The following THTPA variants were observed in gnomAD, a reference collection of about 807,000 sequenced individuals.
THTPA encodes thiamine-triphosphatase.
A neutral mutation model predicts 16.5 loss-of-function variants in THTPA; 16 were observed. The observed-to-expected ratio is 0.97, with a 90% confidence interval of 0.66 to 1.47. The LOEUF (loss-of-function observed/expected upper bound fraction) is 1.47. Ranked by LOEUF, THTPA falls within the 40% of genes most tolerant of loss-of-function variation. The pLI is 0.00. For synonymous variants in THTPA, 110 were observed against 115.5 expected (o/e 0.95, Z 0.30); for missense variants, 281 against 280.9 (o/e 1.00, Z 0.00).
chr14:23,531,518 G>A, the THTPA span: 1 of 1,486,016 alleles, frequency 6.7e-7, no homozygotes, highest in South Asian at 1.3e-5. Flanking sequence ...AGCTCAGGAT[G>A]CTCTGAAGAG....
At chr14:23,544,639 G>A in the THTPA span, among the ~76,000 whole-genome samples, 1 of 152,158 alleles carries the variant, frequency 6.6e-6, no homozygotes, top group African/African-American at 2.4e-5. Context: ...TGGTTGGCCC[G>A]GCTGGCGCGG....
At chr14:23,530,443 T>C in the THTPA span, 137 of 668,944 alleles carry the variant, frequency 2.0e-4, 1 homozygote, top group Admixed American at 8.6e-4. Flanking sequence ...TGTCCTTTTA[T>C]AGAAGTCCAG....
chr14:23,555,513 G>T (rs1035859175), upstream of THTPA, among the ~76,000 whole-genome samples: 1 of 152,076 alleles, frequency 6.6e-6, no homozygotes, highest in Admixed American at 6.6e-5. Context: ...TCCAACTGTT[G>T]AAATACCATC....
At chr14:23,517,686 G>A in the THTPA span, among the ~76,000 whole-genome samples, 2 of 152,098 alleles carry the variant, frequency 1.3e-5, no homozygotes, top group East Asian at 3.9e-4. Flanking sequence ...TCTCCCCATC[G>A]GGTGTGTGTG....
At chr14:23,521,697 G>A in the THTPA span, 2 of 506,170 alleles carry the variant, frequency 4.0e-6, no homozygotes, top group Non-Finnish European at 6.9e-6. Context: ...CAAGATGGGT[G>A]TATGTGTCTG....
At chr14:23,526,705 TGAG>T in the THTPA span, 1 of 1,535,628 alleles carries the variant, frequency 6.5e-7, no homozygotes, top group African/African-American at 1.4e-5. Flanking sequence ...GAAAGTACAA[TGAG>T]GAGGGAACTT....
At chr14:23,526,986 A>G in the THTPA span, 36 of 1,497,012 alleles carry the variant, frequency 2.4e-5, no homozygotes, top group Non-Finnish European at 3.0e-5. Flanking sequence ...GCAATGAGAA[A>G]AAGCCTAGTG....
the THTPA span, chr14:23,527,891 G>T: frequency 1.2e-6 from 1 of 868,314 alleles, no homozygotes; most frequent in South Asian, 1.8e-5. Context: ...GCACTGGCCC[G>T]CCCCCACTCC....
At chr14:23,522,443 G>T in the THTPA span, 3 of 1,536,468 alleles carry the variant, frequency 2.0e-6, no homozygotes, top group Non-Finnish European at 2.6e-6. Flanking sequence ...TGGAGGTGCT[G>T]TGGCTGTGGG....
intron 1 of THTPA, among the ~76,000 whole-genome samples, chr14:23,557,953 C>G (rs1882668487): frequency 6.6e-6 from 1 of 152,172 alleles, no homozygotes; most frequent in Non-Finnish European, 1.5e-5. Flanking sequence ...GTCCTTTTGG[C>G]TTTTTGTAAA....
chr14:23,525,017 C>A, the THTPA span: 1 of 1,536,200 alleles, frequency 6.5e-7, no homozygotes, highest in East Asian at 2.4e-5. The surrounding 1 kb of genome is among the most constrained non-coding windows in gnomAD (Gnocchi z 5.9). Context: ...ATTCTGGAAC[C>A]ACACCACCAC....
At chr14:23,516,633 A>C in the THTPA span, among the ~76,000 whole-genome samples, 8 of 152,198 alleles carry the variant, frequency 5.3e-5, no homozygotes, top group African/African-American at 7.2e-5. Context: ...CTCTGTGATC[A>C]AGTCAAAATT....
chr14:23,518,909 A>G, the THTPA span, among the ~76,000 whole-genome samples: 3 of 152,218 alleles, frequency 2.0e-5, no homozygotes, highest in East Asian at 5.8e-4. The surrounding 1 kb of genome is among the most constrained non-coding windows in gnomAD (Gnocchi z 4.5). Flanking sequence ...TGCTGCTGCT[A>G]AGGACTTCTG....
chr14:23,542,677 T>G, the THTPA span, among the ~76,000 whole-genome samples: 1 of 152,006 alleles, frequency 6.6e-6, no homozygotes, highest in African/African-American at 2.4e-5. Flanking sequence ...AGAATCAGGA[T>G]CCTATCTGAT....
chr14:23,521,864 AG>A, the THTPA span: 4 of 1,486,018 alleles, frequency 2.7e-6, no homozygotes, highest in African/African-American at 1.4e-5. Flanking sequence ...GGGCGGGGCC[AG>A]GGGGTGGGGT....
chr14:23,524,413 G>C, the THTPA span: 2 of 1,536,212 alleles, frequency 1.3e-6, no homozygotes, highest in Non-Finnish European at 1.7e-6. The surrounding 1 kb of genome is among the most constrained non-coding windows in gnomAD (Gnocchi z 5.6). Flanking sequence ...CTGCTTCACT[G>C]CCTGTGGGAG....
the THTPA span, chr14:23,531,607 G>C: frequency 4.6e-6 from 7 of 1,525,068 alleles, no homozygotes; most frequent in Non-Finnish European, 5.3e-6. Context: ...CGGTGGGCAG[G>C]TGTGCGCAGG....
At chr14:23,534,616 C>T in the THTPA span, 1 of 1,536,144 alleles carries the variant, frequency 6.5e-7, no homozygotes, top group East Asian at 2.4e-5. The surrounding 1 kb of genome is among the most constrained non-coding windows in gnomAD (Gnocchi z 4.5). Context: ...AAGGCAGAGC[C>T]AGAAGACCGC....
chr14:23,525,057 C>T, the THTPA span: 21 of 1,536,036 alleles, frequency 1.4e-5, no homozygotes, highest in East Asian at 2.4e-5. The surrounding 1 kb of genome is among the most constrained non-coding windows in gnomAD (Gnocchi z 5.9). Context: ...AACAGACTTG[C>T]GAGTCGCTCC....
Sources: allele counts gnomAD v4.1 joint callset (sites outside exome capture counted in the v4.1 genomes callset), GRCh38; gene constraint gnomAD v4.1.1; non-coding constraint Gnocchi (gnomAD v3.1); transcripts MANE v1.5; gene names NCBI Gene and HGNC (gene_info 2026-07-23, HGNC 2026-07-21).